MAML2: variants seen among roughly 807,000 people sequenced by gnomAD.
MAML2 encodes the protein mastermind-like protein 2.
MAML2 carries 22 observed loss-of-function variants against 96.1 expected under a neutral mutation model. That is an observed-to-expected ratio of 0.23 (90% confidence interval 0.16 to 0.33). MAML2 has a LOEUF of 0.33. Ranked by LOEUF, MAML2 falls within the 10% of genes least tolerant of loss-of-function variation. The probability of loss-of-function intolerance (pLI) is 1.00; values close to 1 mark genes in which losing one functional copy is unlikely to be tolerated. For missense variants in MAML2, 1,367 were observed against 1,392.4 expected, an observed-to-expected ratio of 0.98 and a Z score of 0.29; for synonymous variants, 561 against 521.3, an observed-to-expected ratio of 1.08 and a Z score of -1.04.
At chr11:96,243,588 G>A (rs916417952) in intron 1 of MAML2, among the ~76,000 whole-genome samples, 1 of 152,046 alleles carries the variant, frequency 6.6e-6, no homozygotes, top group Non-Finnish European at 1.5e-5. Flanking sequence ...CCTCCAAGAA[G>A]GAAGACCCAC....
At chr11:96,242,706 G>A (rs1862452979) in intron 1 of MAML2, among the ~76,000 whole-genome samples, 2 of 152,090 alleles carry the variant, frequency 1.3e-5, no homozygotes. Flanking sequence ...AGACAATAAG[G>A]GATAGACTCT....
At chr11:96,140,914 CTTTA>C (rs764541870) in intron 1 of MAML2, among the ~76,000 whole-genome samples, 25 of 152,330 alleles carry the variant, frequency 1.6e-4, no homozygotes, top group Non-Finnish European at 3.5e-4. Flanking sequence ...TTTCAAATGG[CTTTA>C]TTTGCTGCTT....
chr11:96,181,376 G>A (rs1221058398), intron 1 of MAML2, among the ~76,000 whole-genome samples: 2 of 151,764 alleles, frequency 1.3e-5, no homozygotes, highest in Admixed American at 1.3e-4. Context: ...AGGATAATTG[G>A]GAGTTGGCTC....
At chr11:96,157,890 G>A (rs1054800236) in intron 1 of MAML2, among the ~76,000 whole-genome samples, 27 of 152,140 alleles carry the variant, frequency 1.8e-4, no homozygotes, top group African/African-American at 6.0e-4. Flanking sequence ...GATAATTTAA[G>A]ATTACATTTT....
intron 1 of MAML2, among the ~76,000 whole-genome samples, chr11:96,302,013 A>G (rs1488263224): frequency 6.6e-6 from 1 of 152,234 alleles, no homozygotes; most frequent in Non-Finnish European, 1.5e-5. Context: ...TGTGTGTGCT[A>G]GGCATTGTGC....
intron 1 of MAML2, among the ~76,000 whole-genome samples, chr11:96,314,364 C>A (rs938636500): frequency 6.6e-6 from 1 of 152,228 alleles, no homozygotes; most frequent in Non-Finnish European, 1.5e-5. Flanking sequence ...ACCTTTAACT[C>A]TGAGTGGTAG....
rs759982826 is a variant in MAML2 at position 95,991,544 on chromosome 11, GAGA to G, written c.2316_2318del (p.Leu773del). On this transcript the variant is annotated inframe_deletion, in exon 3 of 5. Coordinates refer to ENST00000524717, the MANE Select transcript of MAML2 (RefSeq NM_032427.4). ...CCGCGTCAGCCAGCATCTGCTGCTG[GAGA>G]AGAAGTTGCTGTTTCTGCTCCATGA... 1.1e-5 allele frequency: 17 copies of G among 1,613,728 alleles called. No individual in the cohort carries two copies. The highest frequency in any genetic ancestry group is 2.7e-5 in the African/African-American group (2 of 75,014).
intron 1 of MAML2, among the ~76,000 whole-genome samples, chr11:96,248,114 T>C (rs951729342): frequency 1.9e-5 from 1 of 51,916 alleles, no homozygotes; most frequent in African/African-American, 5.7e-5. Flanking sequence ...GTTTTTTTAC[T>C]TTTTTTTTTT....
intron 1 of MAML2, among the ~76,000 whole-genome samples, chr11:96,183,994 C>T (rs570772930): frequency 6.6e-6 from 1 of 152,268 alleles, no homozygotes; most frequent in African/African-American, 2.4e-5. Context: ...AAAGCTACCT[C>T]AAATATGTGG....
chr11:96,294,717 T>C (rs1863265888), intron 1 of MAML2, among the ~76,000 whole-genome samples: 1 of 152,200 alleles, frequency 6.6e-6, no homozygotes, highest in Non-Finnish European at 1.5e-5. Context: ...TGAACACTTA[T>C]GCTAGGGACC....
At chr11:96,084,227 A>G (rs1859572095) in intron 2 of MAML2, among the ~76,000 whole-genome samples, 1 of 152,170 alleles carries the variant, frequency 6.6e-6, no homozygotes, top group Admixed American at 6.5e-5. Flanking sequence ...GGCAGGATTC[A>G]GATCATACAG....
At position 96,317,133 on chromosome 11, in the gene MAML2, G is replaced by C. The variant is rs186867268; in HGVS notation, c.513+24250C>G. Among the ~76,000 whole-genome samples the C allele has an allele frequency of 3.9e-3, 589 of 152,264 alleles. 3 individuals carry two copies. Among genetic ancestry groups the C allele is most frequent in the African/African-American group, 0.013 (558 of 41,544 alleles). The stretch of plus-strand genomic sequence containing the variant: ...GCTTGCATTCACTGAAATGGTGCCT[G>C]TGGAAGGAGTAAATTGTTCCATCTG... On this transcript the variant is annotated intron_variant, in intron 1 of 4. Coordinates refer to ENST00000524717, the MANE Select transcript of MAML2 (RefSeq NM_032427.4).
rs369083952 is a variant in MAML2 at position 96,113,743 on chromosome 11, T to C, written c.514-20226A>G. ...TGTTTGGCCCCTAGGGAACATAGAC[T>C]ACTCTCTCCCCCATCTCTTAACTCC... is the stretch of plus-strand genomic sequence containing the variant. On this transcript the variant is annotated intron_variant, in intron 1 of 4. Transcript: ENST00000524717. Among the ~76,000 whole-genome samples the C allele has an allele frequency of 3.9e-4, 60 of 152,252 alleles. 1 individual carries two copies. The East Asian group carries it at 5.6e-3, about 14-fold the overall frequency.
At chr11:96,112,513 C>T (rs1019642310) in intron 1 of MAML2, among the ~76,000 whole-genome samples, 1 of 152,262 alleles carries the variant, frequency 6.6e-6, no homozygotes, top group African/African-American at 2.4e-5. Flanking sequence ...TGCTTCTTGA[C>T]TTACACAAAT....
intron 2 of MAML2, among the ~76,000 whole-genome samples, chr11:96,017,158 T>A (rs1263588142): frequency 2.0e-5 from 3 of 152,204 alleles, no homozygotes; most frequent in Admixed American, 2.0e-4. Context: ...ATCTTACTAT[T>A]CCTCCCATTT....
At chr11:96,256,819 A>G (rs1255173024) in intron 1 of MAML2, among the ~76,000 whole-genome samples, 1 of 152,236 alleles carries the variant, frequency 6.6e-6, no homozygotes, top group African/African-American at 2.4e-5. Flanking sequence ...TCCGGCTGCA[A>G]TACATCTGGT....
intron 1 of MAML2, among the ~76,000 whole-genome samples, chr11:96,160,851 C>T (rs1861092044): frequency 7.0e-6 from 1 of 142,678 alleles, no homozygotes; most frequent in Non-Finnish European, 1.6e-5. Context: ...TGTCCTCTTG[C>T]AGTATCTATT....
At chr11:96,109,020 CAA>C (rs10694455) in intron 1 of MAML2, among the ~76,000 whole-genome samples, 1 of 144,768 alleles carries the variant, frequency 6.9e-6, no homozygotes, top group Non-Finnish European at 1.5e-5. Flanking sequence ...TTGAGTGTTT[CAA>C]AAAAAAAAAA....
chr11:96,046,636 TGAG>T (rs1433221936), intron 2 of MAML2, among the ~76,000 whole-genome samples: 1 of 152,252 alleles, frequency 6.6e-6, no homozygotes, highest in Non-Finnish European at 1.5e-5. Context: ...CAGAAGGCCC[TGAG>T]GAGGACAGGT....
Sources: gnomAD v4.1 joint callset for allele counts (sites outside exome capture counted in the v4.1 genomes callset) on GRCh38, gnomAD v4.1.1 for gene constraint, MANE v1.5 for transcripts, NCBI Gene and HGNC (gene_info 2026-07-23, HGNC 2026-07-21) for gene names.